The following CHST12 variants were observed in gnomAD, a reference collection of about 807,000 sequenced individuals.
The protein encoded by CHST12 is carbohydrate sulfotransferase 12, also known as carbohydrate (chondroitin 4) sulfotransferase 12.
CHST12 carries 23 observed loss-of-function variants against 27.9 expected under a neutral mutation model. That is an observed-to-expected ratio of 0.82 (90% CI 0.59 to 1.17). The LOEUF is 1.17. CHST12 is among the 50% of genes most tolerant of loss of function. The pLI, the probability that CHST12 is intolerant of heterozygous loss-of-function variation, is 0.00. For missense variants in CHST12, 682 were observed against 603.0 expected (o/e 1.13, Z -1.37); for synonymous variants, 322 against 273.0 (o/e 1.18, Z -1.77).
At chr7:2,419,439 G>C (rs1385907064) in intron 1 of CHST12, among the ~76,000 whole-genome samples, 1 of 149,374 alleles carries the variant, frequency 6.7e-6, no homozygotes. Flanking sequence ...GGGCATAGTG[G>C]CTTACGCCTG....
chr7:2,422,548 T>C (rs992194138), intron 1 of CHST12, among the ~76,000 whole-genome samples: 20 of 147,710 alleles, frequency 1.4e-4, no homozygotes, highest in African/African-American at 4.8e-4. Flanking sequence ...CCCTGCCTCT[T>C]TTTTTTTAGA....
At chr7:2,422,355 C>T (rs1562514752) in intron 1 of CHST12, among the ~76,000 whole-genome samples, 1 of 151,944 alleles carries the variant, frequency 6.6e-6, no homozygotes, top group Non-Finnish European at 1.5e-5. Context: ...AGCGATTCTC[C>T]TGCCTCAGCC....
chr7:2,420,996 G>A (rs1781958270), intron 1 of CHST12, among the ~76,000 whole-genome samples: 1 of 151,946 alleles, frequency 6.6e-6, no homozygotes, highest in South Asian at 2.1e-4. Flanking sequence ...TTGAGTAGCT[G>A]GGATTACAGG....
At chr7:2,414,219 T>C (rs1364713252) in intron 1 of CHST12, among the ~76,000 whole-genome samples, 2 of 152,198 alleles carry the variant, frequency 1.3e-5, no homozygotes, top group Non-Finnish European at 2.9e-5. Flanking sequence ...TTGTTAGATA[T>C]ACATATTGAG....
chr7:2,411,689 T>C (rs1182651224), intron 1 of CHST12, among the ~76,000 whole-genome samples: 1 of 152,130 alleles, frequency 6.6e-6, no homozygotes, highest in Non-Finnish European at 1.5e-5. Flanking sequence ...GGTTTTGCCA[T>C]GTTGGCCAGG....
intron 1 of CHST12, chr7:2,404,250 G>T (rs1370107264): frequency 6.6e-6 from 1 of 152,278 alleles, no homozygotes; most frequent in Non-Finnish European, 1.5e-5. Flanking sequence ...TCCAGAAGCC[G>T]CAGCCCTGCC....
chr7:2,404,933 G>C (rs1443975037), intron 1 of CHST12, among the ~76,000 whole-genome samples: 4 of 152,308 alleles, frequency 2.6e-5, no homozygotes, highest in African/African-American at 9.6e-5. Context: ...GGGAGCTCAC[G>C]GCCAGCCTGG....
intron 1 of CHST12, among the ~76,000 whole-genome samples, chr7:2,427,249 A>G (rs968115159): frequency 6.6e-6 from 1 of 152,152 alleles, no homozygotes; most frequent in Non-Finnish European, 1.5e-5. Flanking sequence ...AGAAATTCAT[A>G]GCACTTTGCG....
Position 2,439,938 on chromosome 7 carries a change from T to G in CHST12, c.*6054T>G, listed in dbSNP as rs1305650397. ...TCTTGCTTTGTCACCCAGGCTGGTC[T>G]CAAACTCCTGAGCTCGAGTGCTCCT... On this transcript the variant is annotated 3_prime_UTR_variant, in exon 2 of 2. Coordinates refer to ENST00000618655, the MANE Select transcript of CHST12 (RefSeq NM_018641.5). 2 of 152,220 alleles carry G rather than the reference T, an allele frequency of 1.3e-5. No homozygotes were observed. Among genetic ancestry groups the G allele is most frequent in the East Asian group, 3.9e-4 (2 of 5,138 alleles). 9.4% of individuals were successfully genotyped at this position (152,220 alleles called of 1,614,324 possible).
Position 2,434,333 on chromosome 7 carries a change from GA to G in CHST12, c.*453del. ...AGTTCTTTGTTTAAGTGTTGTACTT[GA>G]AAAGGTCAATCTTCAGGGCTTCCTG... On this transcript the variant is annotated 3_prime_UTR_variant, in exon 2 of 2. Coordinates refer to ENST00000618655, the MANE Select transcript of CHST12 (RefSeq NM_018641.5). 5.8e-6 allele frequency: 1 copy of G among 171,490 alleles called. No homozygotes were observed. The highest frequency in any genetic ancestry group is 6.2e-5 in the Admixed American group (1 of 16,148). 10.6% of individuals were successfully genotyped at this position (171,490 alleles called of 1,614,324 possible).
chr7:2,433,753 A>T lies in CHST12; in HGVS notation c.1114A>T (p.Thr372Ser), dbSNP rs1258273356. The change falls in exon 2 of 2, where the codon ACC (threonine) becomes TCC (serine). Residue 372 changes from threonine to serine, a missense_variant. Physicochemically the swap from Thr to Ser is moderately conservative, Grantham distance 58. Coordinates refer to ENST00000618655, the MANE Select transcript of CHST12 (RefSeq NM_018641.5). This position sits in a 1 kb window ranked among gnomAD's most constrained non-coding sequence, Gnocchi z 6.1. The part of the protein sequence containing the change: ...LRFPPSYRNR[T>S]ASSWEEDWFA... ...CTTCCCCCCGAGCTACCGGAACAGG[A>T]CCGCCAGCAGCTGGGAGGAGGACTG... The T allele has an allele frequency of 1.9e-6, 3 of 1,613,678 alleles. No individual in the cohort carries two copies. Among genetic ancestry groups the T allele is most frequent in the Non-Finnish European group, 2.5e-6 (3 of 1,180,016 alleles).
At chr7:2,411,006 G>A (rs1781649894) in intron 1 of CHST12, among the ~76,000 whole-genome samples, 1 of 152,074 alleles carries the variant, frequency 6.6e-6, no homozygotes, top group Non-Finnish European at 1.5e-5. Flanking sequence ...AGGGTGGGGT[G>A]TAGGTAGGGC....
At chr7:2,428,415 A>G (rs1051491148) in intron 1 of CHST12, among the ~76,000 whole-genome samples, 3 of 152,108 alleles carry the variant, frequency 2.0e-5, no homozygotes, top group African/African-American at 7.2e-5. Flanking sequence ...AGAAGCCCAC[A>G]ATGCAACGGG....
rs1204994709 is a variant in CHST12, at chr7:2,433,979, GT to G, written c.*97del. On this transcript the variant is annotated 3_prime_UTR_variant, in exon 2 of 2. Transcript: ENST00000618655. The surrounding 1 kb of genome is among the most constrained non-coding windows in gnomAD (Gnocchi z 6.1). ...TACGATTTTGCAATCTGGGCTTCTT[GT>G]TCACTCCACTGCCTCTATCCATTGA... 1 of 991,392 alleles carries G rather than the reference GT, an allele frequency of 1.0e-6. No homozygotes were observed. The highest frequency in any genetic ancestry group is 1.5e-6 in the Non-Finnish European group (1 of 658,722). 61.4% of individuals were successfully genotyped at this position (991,392 alleles called of 1,614,324 possible).
rs1782563559 is a variant in CHST12, at chr7:2,439,998, G to A, written c.*6114G>A. The A allele has an allele frequency of 6.6e-6, 1 of 152,208 alleles. No individual in the cohort carries two copies. Among genetic ancestry groups the A allele is most frequent in the Admixed American group, 6.5e-5 (1 of 15,286 alleles). 9.4% of individuals were successfully genotyped at this position (152,208 alleles called of 1,614,324 possible). On this transcript the variant is annotated 3_prime_UTR_variant, in exon 2 of 2. Transcript: ENST00000618655. ...GCCTCCCAAAGTGCTGGGATTACAGGCGTGGGCTGCTGTGCCCAGCAGGAA... is the reference window on the plus strand; with the variant it reads ...GCCTCCCAAAGTGCTGGGATTACAGACGTGGGCTGCTGTGCCCAGCAGGAA...
chr7:2,420,709 C>T (rs1781948660), intron 1 of CHST12, among the ~76,000 whole-genome samples: 1 of 152,056 alleles, frequency 6.6e-6, no homozygotes, highest in African/African-American at 2.4e-5. Context: ...TGCTTGAGCC[C>T]AGGAGTTCAA....
In CHST12 at chr7:2,436,127, T is replaced by C. The variant is rs936802938; in HGVS notation, c.*2243T>C. ...TCACACCTGGCCCCTCCAAGTTTTTTATTATGATAAAAATGTTTAATTTTA... is the reference window on the plus strand; with the variant it reads ...TCACACCTGGCCCCTCCAAGTTTTTCATTATGATAAAAATGTTTAATTTTA... On this transcript the variant is annotated 3_prime_UTR_variant, in exon 2 of 2. Coordinates refer to ENST00000618655, the MANE Select transcript of CHST12 (RefSeq NM_018641.5). 6.6e-6 allele frequency: 1 copy of C among 152,244 alleles called. No homozygotes were observed. Among genetic ancestry groups the C allele is most frequent in the African/African-American group, 2.4e-5 (1 of 41,450 alleles). The allele number at this position is 152,244 out of a possible 1,614,324, so 9.4% of individuals were successfully genotyped here.
At position 2,443,718 on chromosome 7, in the gene CHST12, C is replaced by T. The variant is rs1275110211; in HGVS notation, c.*9834C>T. ...CAGGAACAAAGACAGAGCTGCTTCCCTCCTGTTGGGTCTCTGGCGGACAGT... is the reference window on the plus strand; with the variant it reads ...CAGGAACAAAGACAGAGCTGCTTCCTTCCTGTTGGGTCTCTGGCGGACAGT... On this transcript the variant is annotated 3_prime_UTR_variant, in exon 2 of 2. Transcript: ENST00000618655. 6.6e-6 allele frequency: 1 copy of T among 152,232 alleles called. No homozygotes were observed. The highest frequency in any genetic ancestry group is 1.9e-4 in the East Asian group (1 of 5,192). 9.4% of individuals were successfully genotyped at this position (152,232 alleles called of 1,614,324 possible).
At position 2,442,402 on chromosome 7, in the gene CHST12, CT is replaced by C. The variant is rs1782630829; in HGVS notation, c.*8519del. The C allele has an allele frequency of 6.6e-6, 1 of 152,328 alleles. No homozygotes were observed. The highest frequency in any genetic ancestry group is 1.5e-5 in the Non-Finnish European group (1 of 68,144). 9.4% of individuals were successfully genotyped at this position (152,328 alleles called of 1,614,324 possible). On this transcript the variant is annotated 3_prime_UTR_variant, in exon 2 of 2. Transcript: ENST00000618655. ...CTTTTGAGACGGAGTCTCGCTCTGT[CT>C]CCCAGGCTGGAGTGCGGTGGCACCA...
Sources: gnomAD v4.1 joint callset for allele counts (sites outside exome capture counted in the v4.1 genomes callset) on GRCh38, gnomAD v4.1.1 for gene constraint, Gnocchi (gnomAD v3.1) non-coding constraint, MANE v1.5 for transcripts, NCBI Gene and HGNC (gene_info 2026-07-23, HGNC 2026-07-21) for gene names.